Variants in ENTPD1 observed in about 807,000 individuals in gnomAD.
ENTPD1 encodes the protein ATP diphosphohydrolase.
A neutral mutation model predicts 57.0 loss-of-function variants in ENTPD1; 33 were observed. The ratio of observed to expected loss-of-function variants is 0.58; its 90% CI spans 0.44 to 0.77. The LOEUF (loss-of-function observed/expected upper bound fraction) is 0.77. Among genes scored for constraint, ENTPD1 ranks in the 30% least tolerant of loss-of-function variants. The pLI is 0.00. For missense variants in ENTPD1, 501 were observed against 603.4 expected, an observed-to-expected ratio of 0.83 and a Z score of 1.78; for synonymous variants, 202 against 218.8, an observed-to-expected ratio of 0.92 and a Z score of 0.68.
chr10:95,761,210 T>C (rs1406772416), intron 1 of ENTPD1, among the ~76,000 whole-genome samples: 1 of 152,084 alleles, frequency 6.6e-6, no homozygotes, highest in African/African-American at 2.4e-5. Context: ...CTAAATGTCT[T>C]GATGGTTTGG....
chr10:95,825,867 C>T (rs907070803), intron 2 of ENTPD1, among the ~76,000 whole-genome samples: 4 of 152,192 alleles, frequency 2.6e-5, no homozygotes, highest in African/African-American at 4.8e-5. Flanking sequence ...CGTGAGCCAC[C>T]GTGCCCGGCT....
At chr10:95,753,213 A>G (rs150776737), upstream of ENTPD1, 2 of 152,148 alleles carry the variant, frequency 1.3e-5, no homozygotes, top group East Asian at 1.9e-4. Flanking sequence ...TTTGTTGAGA[A>G]AGACGATTTA....
chr10:95,754,871 C>T (rs1486507795), upstream of ENTPD1: 3 of 152,200 alleles, frequency 2.0e-5, no homozygotes, highest in Admixed American at 6.5e-5. Context: ...TGCAAAGTAA[C>T]AGAGATGCCT....
At chr10:95,807,610 A>G (rs1021934335) in intron 1 of ENTPD1, among the ~76,000 whole-genome samples, 1 of 152,238 alleles carries the variant, frequency 6.6e-6, no homozygotes, top group African/African-American at 2.4e-5. Context: ...TGGGAGCTGC[A>G]GACTGGAGCT....
chr10:95,876,735 A>C lies in ENTPD1; in HGVS notation c.*10352A>C. On this transcript the variant is annotated 3_prime_UTR_variant, in exon 10 of 10. Coordinates refer to ENST00000371205, the MANE Select transcript of ENTPD1 (RefSeq NM_001776.6). ...ATATTAACCAAAGTAGAAAAATATA[A>C]TACACATCCATGTGCCCATCACAGA... 1.1e-6 allele frequency: 1 copy of C among 935,924 alleles called. No homozygotes were observed. Among genetic ancestry groups the C allele is most frequent in the Admixed American group, 4.7e-5 (1 of 21,482 alleles). 58.0% of individuals were successfully genotyped at this position (935,924 alleles called of 1,614,324 possible).
upstream of ENTPD1, chr10:95,755,722 G>A: frequency 6.5e-7 from 1 of 1,537,222 alleles, no homozygotes; most frequent in East Asian, 2.4e-5. Flanking sequence ...TTTATGGGGA[G>A]GGAAGAACTG....
intron 1 of ENTPD1, among the ~76,000 whole-genome samples, chr10:95,739,271 A>T (rs531927551): frequency 6.6e-6 from 1 of 152,310 alleles, no homozygotes; most frequent in Admixed American, 6.5e-5. Context: ...AGTTTGCCAC[A>T]TCAATTGACT....
rs1397411588 is a variant in ENTPD1 at position 95,845,338 on chromosome 10, T to C, written c.574-19T>C. On this transcript the variant is annotated intron_variant, in intron 5 of 9. Coordinates refer to ENST00000371205, the MANE Select transcript of ENTPD1 (RefSeq NM_001776.6). ...GGTGTCCAGAGACTTCTAGCACTGG[T>C]AACTGTACTGTCTTTCAGAAAACAA... 1.2e-6 allele frequency: 2 copies of C among 1,614,138 alleles called. No individual in the cohort carries two copies. The highest frequency in any genetic ancestry group is 1.7e-6 in the Non-Finnish European group (2 of 1,180,028).
At chr10:95,790,044 G>C (rs2098197063) in intron 1 of ENTPD1, among the ~76,000 whole-genome samples, 1 of 152,154 alleles carries the variant, frequency 6.6e-6, no homozygotes, top group Non-Finnish European at 1.5e-5. Flanking sequence ...TACCACGAGT[G>C]ATATTGGAAG....
At chr10:95,796,162 C>T (rs2098225046) in intron 1 of ENTPD1, among the ~76,000 whole-genome samples, 1 of 152,180 alleles carries the variant, frequency 6.6e-6, no homozygotes, top group Admixed American at 6.5e-5. Flanking sequence ...ACTCATTCAA[C>T]TGACATATGT....
rs545134267 is a variant in ENTPD1 at position 95,875,092 on chromosome 10, G to A, written c.*8709G>A. 6.6e-6 allele frequency: 1 copy of A among 152,282 alleles called. No individual in the cohort carries two copies. Among genetic ancestry groups the A allele is most frequent in the East Asian group, 1.9e-4 (1 of 5,186 alleles). The allele number at this position is 152,282 out of a possible 1,614,324, so 9.4% of individuals were successfully genotyped here. On this transcript the variant is annotated 3_prime_UTR_variant, in exon 10 of 10. Transcript: ENST00000371205. ...CCATGGTCTTGGGGATTAACATTAG[G>A]CTCCTTGCTGCTTATGCAAATTTCT...
chr10:95,784,466 A>G (rs1409960191), intron 1 of ENTPD1, among the ~76,000 whole-genome samples: 4 of 152,144 alleles, frequency 2.6e-5, no homozygotes, highest in South Asian at 2.1e-4. Flanking sequence ...TCTTGTGTAG[A>G]GAATGGGGCT....
intron 1 of ENTPD1, among the ~76,000 whole-genome samples, chr10:95,758,405 T>G (rs918660165): frequency 8.5e-5 from 13 of 152,226 alleles, no homozygotes; most frequent in African/African-American, 3.1e-4. Flanking sequence ...GGGCCTGATA[T>G]ATAGTATTGC....
At chr10:95,742,085 A>T (rs1333959611) in intron 1 of ENTPD1, among the ~76,000 whole-genome samples, 1 of 152,156 alleles carries the variant, frequency 6.6e-6, no homozygotes, top group African/African-American at 2.4e-5. Context: ...GGCCATGCTG[A>T]TAAGGTCATC....
rs1478075608 is a variant in ENTPD1, at chr10:95,871,445, A to C, written c.*5062A>C. 1.5e-5 allele frequency: 15 copies of C among 985,296 alleles called. No homozygotes were observed. Among genetic ancestry groups the C allele is most frequent in the Non-Finnish European group, 1.8e-5 (15 of 829,932 alleles). 61.0% of individuals were successfully genotyped at this position (985,296 alleles called of 1,614,324 possible). A position where few individuals can be genotyped will look rare whatever the true frequency, so the allele number is the denominator to read the frequency against. ...AAACTGGTAGATGTCCTAGGAAACC[A>C]TACATCTATGTATTTTTCTTATTTT... is the stretch of plus-strand genomic sequence containing the variant. On this transcript the variant is annotated 3_prime_UTR_variant, in exon 10 of 10. Transcript: ENST00000371205.
chr10:95,838,309 A>G (rs1374080396), intron 2 of ENTPD1, among the ~76,000 whole-genome samples: 2 of 152,346 alleles, frequency 1.3e-5, no homozygotes, highest in East Asian at 3.9e-4. Context: ...TCCTGGATAG[A>G]TACCCCCAAA....
chr10:95,735,144 G>T (rs568441959), intron 1 of ENTPD1, among the ~76,000 whole-genome samples: 17 of 148,954 alleles, frequency 1.1e-4, no homozygotes, highest in African/African-American at 3.0e-4. Flanking sequence ...TGATTCTCTT[G>T]CCTCAGCCTC....
chr10:95,817,006 G>GT (rs1358797301), intron 1 of ENTPD1, among the ~76,000 whole-genome samples: 1 of 152,154 alleles, frequency 6.6e-6, no homozygotes. Context: ...AGATACTATT[G>GT]TGACTCCCAT....
intron 2 of ENTPD1, among the ~76,000 whole-genome samples, chr10:95,837,956 TCACACACACA>T (rs142329357): frequency 2.0e-5 from 3 of 146,820 alleles, no homozygotes; most frequent in East Asian, 2.0e-4. Context: ...GTAGGGAGAT[TCACACACACA>T]CACACACACA....
Sources: gnomAD v4.1 joint callset for allele counts (sites outside exome capture counted in the v4.1 genomes callset) on GRCh38, gnomAD v4.1.1 for gene constraint, MANE v1.5 for transcripts, NCBI Gene and HGNC (gene_info 2026-07-23, HGNC 2026-07-21) for gene names.